Variants in SIN3B observed in about 807,000 individuals in gnomAD.
SIN3B encodes paired amphipathic helix protein Sin3b.
SIN3B carries 19 observed loss-of-function variants against 120.2 expected under a neutral mutation model. That is an observed-to-expected ratio of 0.16 (90% CI 0.11 to 0.23). SIN3B has a LOEUF of 0.23. SIN3B is among the 10% of genes least tolerant of loss of function. The pLI is 1.00. For missense variants in SIN3B, 1,073 were observed against 1,573.0 expected (o/e 0.68, Z 5.38); for synonymous variants, 654 against 653.2 (o/e 1.00, Z -0.02).
Position 16,879,134 on chromosome 19 carries a change from C to G in SIN3B, c.*407C>G, listed in dbSNP as rs1223671710. 1 of 212,072 alleles carries G rather than the reference C, an allele frequency of 4.7e-6. No homozygotes were observed. Among genetic ancestry groups the G allele is most frequent in the East Asian group, 1.2e-4 (1 of 8,112 alleles). The allele number at this position is 212,072 out of a possible 1,614,324, so 13.1% of individuals were successfully genotyped here. The stretch of plus-strand genomic sequence containing the variant: ...CCCACACTTTGGAGGGGGTCCATGT[C>G]CAAGAGACCCTGACAAGGAAGGAGT... On this transcript the variant is annotated 3_prime_UTR_variant, in exon 19 of 19. Transcript: ENST00000248054.
chr19:16,855,380 C>CCG (rs1555741882), intron 8 of SIN3B: 5 of 117,110 alleles, frequency 4.3e-5, no homozygotes, highest in Non-Finnish European at 9.5e-5. Context: ...TCCCCCCCCC[C>CCG]CCCCCAGCAA....
chr19:16,869,365 TTGG>T, intron 12 of SIN3B, 92 bp from the exon 13 acceptor site: 1 of 1,452,650 alleles, frequency 6.9e-7, no homozygotes, highest in Non-Finnish European at 9.2e-7. Flanking sequence ...CTCATCCACC[TTGG>T]TGGCCCAGTT....
intron 10 of SIN3B, 120 bp downstream of exon 10, chr19:16,863,916 C>G: frequency 1.4e-6 from 1 of 689,836 alleles, no homozygotes; most frequent in Admixed American, 2.4e-5. Context: ...AATTGCAGCA[C>G]ATTCCAACAG....
At chr19:16,847,625 A>ACAGGGCT (rs1568416085) in intron 5 of SIN3B, among the ~76,000 whole-genome samples, 2 of 152,158 alleles carry the variant, frequency 1.3e-5, no homozygotes, top group East Asian at 3.9e-4. Flanking sequence ...GGGGCCTTAG[A>ACAGGGCT]CAGGGCTCAG....
intron 4 of SIN3B, 43 bp downstream of exon 4, chr19:16,842,011 TC>T: frequency 6.6e-7 from 1 of 1,520,066 alleles, no homozygotes; most frequent in Non-Finnish European, 9.1e-7. Context: ...TTGGATTTCA[TC>T]CAGTTTGGGG....
At chr19:16,873,488 G>A (rs58792724) in intron 14 of SIN3B, among the ~76,000 whole-genome samples, 1,682 of 151,590 alleles carry the variant, frequency 0.011, 30 homozygotes, top group African/African-American at 0.037. Context: ...GGGAAGTGAC[G>A]CAGGGGACGC....
chr19:16,861,296 C>T (rs1249952021), intron 8 of SIN3B, among the ~76,000 whole-genome samples: 1 of 152,148 alleles, frequency 6.6e-6, no homozygotes, highest in East Asian at 1.9e-4. Flanking sequence ...GCAGTGCGTA[C>T]ACAAGTGGAT....
intron 8 of SIN3B, among the ~76,000 whole-genome samples, chr19:16,859,898 G>T (rs1181830680): frequency 6.6e-6 from 1 of 152,190 alleles, no homozygotes; most frequent in Non-Finnish European, 1.5e-5. Context: ...GGTTGGAATT[G>T]GGACTCTGCT....
chr19:16,847,568 G>A (rs934857276), intron 5 of SIN3B, among the ~76,000 whole-genome samples: 6 of 152,214 alleles, frequency 3.9e-5, no homozygotes, highest in Admixed American at 3.3e-4. Context: ...GGGGTGGCCT[G>A]TGGCCTGGCC....
Position 16,834,484 on chromosome 19 carries a change from C to G in SIN3B, c.381+2837C>G, listed in dbSNP as rs538334868. Among the ~76,000 whole-genome samples the G allele has an allele frequency of 5.5e-4, 83 of 152,264 alleles. 1 individual carries two copies. The highest frequency in any genetic ancestry group is 9.4e-4 in the Non-Finnish European group (64 of 68,022). ...GTGGAGGGCTGGCAGTCTTGTCTCC[C>G]CGTAGGTGGCTTAGGTGACAATGAT... On this transcript the variant is annotated intron_variant, in intron 3 of 18. Coordinates refer to ENST00000248054, the MANE Select transcript of SIN3B (RefSeq NM_001297595.2).
chr19:16,842,124 G>T (rs1971425353), intron 4 of SIN3B, among the ~76,000 whole-genome samples, 156 bp downstream of exon 4: 1 of 152,128 alleles, frequency 6.6e-6, no homozygotes, highest in African/African-American at 2.4e-5. Flanking sequence ...GTCTGGCTCT[G>T]TTACCCAGGC....
intron 12 of SIN3B, among the ~76,000 whole-genome samples, chr19:16,866,990 C>T (rs1202889403): frequency 1.3e-5 from 2 of 152,232 alleles, no homozygotes; most frequent in South Asian, 2.1e-4. Context: ...CTCCTGACCT[C>T]GTGATCCACC....
intron 17 of SIN3B, 106 bp from the exon 18 acceptor site, chr19:16,878,077 G>GGT: frequency 1.1e-6 from 1 of 920,676 alleles, no homozygotes; most frequent in South Asian, 1.7e-5. Context: ...ACCCCTGGGA[G>GGT]GTAGCACATC....
chr19:16,861,673 G>C lies in SIN3B; in HGVS notation c.1059-679G>C, dbSNP rs1971689866. On this transcript the variant is annotated intron_variant, in intron 8 of 18. Transcript: ENST00000248054. ...AGCTACTCAGAAAGCTGAGACAGGA[G>C]AATTGCTTGAACCCGGGAGGTGGAG... Among the ~76,000 whole-genome samples the C allele has an allele frequency of 2.0e-5, 3 of 151,472 alleles. No homozygotes were observed. The South Asian group carries it at 6.2e-4, about 31-fold the overall frequency.
intron 6 of SIN3B, 79 bp downstream of exon 6, chr19:16,851,613 A>G: frequency 2.7e-6 from 4 of 1,484,994 alleles, no homozygotes; most frequent in Non-Finnish European, 3.6e-6. Context: ...TGACCAGGGA[A>G]CAGAGGCCCC....
intron 8 of SIN3B, among the ~76,000 whole-genome samples, chr19:16,861,185 G>T (rs1488807364): frequency 6.6e-6 from 1 of 152,152 alleles, no homozygotes; most frequent in Non-Finnish European, 1.5e-5. Context: ...TCTCCCTCAT[G>T]AGAGGAAGAC....
rs1568414523 is a variant in SIN3B, at chr19:16,843,038, GTCCT to G, written c.582+1071_582+1074del. On this transcript the variant is annotated intron_variant, in intron 4 of 18. Coordinates refer to ENST00000248054, the MANE Select transcript of SIN3B (RefSeq NM_001297595.2). ...TCTGTGTCGTGAGTGGGGCTTAGAC[GTCCT>G]CTTCACCCAGACGTGGAGTCTCTAA... Among the ~76,000 whole-genome samples the G allele has an allele frequency of 2.6e-5, 4 of 152,310 alleles. No homozygotes were observed. The South Asian group carries it at 6.2e-4, about 24-fold the overall frequency.
chr19:16,829,829 C>G lies in SIN3B; in HGVS notation c.159C>G (p.Ile53Met). 6.2e-7 allele frequency: 1 copy of G among 1,613,704 alleles called. No individual in the cohort carries two copies. Among genetic ancestry groups the G allele is most frequent in the Non-Finnish European group, 8.5e-7 (1 of 1,179,774 alleles). Residue 53 changes from isoleucine (I) to methionine (M), a missense_variant, in exon 2 of 19, where the codon ATC becomes ATG. Around this residue, in one of 7 missense-constraint regions of SIN3B, gnomAD observed 395 missense variants for 528.0 expected, o/e 0.75. Transcript: ENST00000248054. ...TCACCTATCTGGACCAGGTGAAGAT[C>G]CGCTTTGGCAGCGACCCTGCCACCT... is the stretch of plus-strand genomic sequence containing the variant. ...DALTYLDQVK[I>M]RFGSDPATYN...
chr19:16,830,757 C>G (rs1971268120), intron 2 of SIN3B, among the ~76,000 whole-genome samples: 1 of 152,206 alleles, frequency 6.6e-6, no homozygotes. Context: ...TTGGCAGTAC[C>G]ATTGGTATTT....
Sources: gnomAD v4.1 joint callset for allele counts (sites outside exome capture counted in the v4.1 genomes callset) on GRCh38, gnomAD v4.1.1 for gene constraint, gnomAD v4.1.1 regional missense constraint, MANE v1.5 for transcripts, NCBI Gene and HGNC (gene_info 2026-07-23, HGNC 2026-07-21) for gene names.